SPRYD3: variants seen among roughly 807,000 people sequenced by gnomAD.
The protein encoded by SPRYD3 is SPRY domain-containing protein 3.
SPRYD3 carries 17 observed loss-of-function variants against 50.1 expected under a neutral mutation model. The observed-to-expected ratio is 0.34, with a 90% CI of 0.23 to 0.51. The LOEUF is 0.51. Among genes scored for constraint, SPRYD3 ranks in the 20% least tolerant of loss-of-function variants. The pLI is 0.97. For missense variants in SPRYD3, 401 were observed against 591.2 expected (o/e 0.68, Z 3.34); for synonymous variants, 198 against 215.5 (o/e 0.92, Z 0.71).
chr12:53,075,035 T>C (rs73099936), intron 4 of SPRYD3, 60 bp downstream of exon 4: 65,962 of 1,594,246 alleles, frequency 0.041, 1,630 homozygotes, highest in African/African-American at 0.076. Context: ...AGGTAGTTCT[T>C]CAGATCTAAG....
intron 1 of SPRYD3, chr12:53,078,073 C>T (rs10129060): frequency 2.4e-4 from 110 of 453,960 alleles, no homozygotes; most frequent in African/African-American, 1.8e-3. Context: ...GTAGTCCCAG[C>T]TACTAAGGAG....
At chr12:53,077,982 C>G (rs1307637815) in intron 1 of SPRYD3, 1 of 332,890 alleles carries the variant, frequency 3.0e-6, no homozygotes, top group Non-Finnish European at 6.3e-6. Flanking sequence ...AGGCCAGGAC[C>G]CAGACCAGCC....
intron 6 of SPRYD3, 27 bp downstream of exon 6, chr12:53,073,259 C>CGGGGGGGGGGGGGGG: frequency 1.0e-5 from 4 of 400,932 alleles, no homozygotes; most frequent in Admixed American, 4.5e-5. Context: ...CGACCCAGCC[C>CGGGGGGGGGGGGGGG]CTCCCACCCT....
At chr12:53,066,527 A>C (rs1592263912) in intron 9 of SPRYD3, 41 bp from the exon 10 acceptor site, 1 of 1,613,518 alleles carries the variant, frequency 6.2e-7, no homozygotes, top group Non-Finnish European at 8.5e-7. Context: ...GTGCCTTTCC[A>C]CCCTCGGCCC....
At position 53,066,356 on chromosome 12, in the gene SPRYD3, ATCCTCTTCCTCTTCCTCTTCC is replaced by A. The variant is rs778473922; in HGVS notation, c.1131_1151del (p.Glu377_Glu383del). Reference sequence around the variant, plus strand: ...CATGCTCCGGCTCTATCTCTTCCCCATCCTCTTCCTCTTCCTCTTCCTCCTCTTCCTCTTCCCCTTCCTGGT... The same window carrying A: ...CATGCTCCGGCTCTATCTCTTCCCCATCCTCTTCCTCTTCCCCTTCCTGGT... On this transcript the variant is annotated inframe_deletion, in exon 10 of 11. Transcript: ENST00000301463. 1.9e-6 allele frequency: 3 copies of A among 1,613,348 alleles called. No homozygotes were observed. Among genetic ancestry groups the A allele is most frequent in the Non-Finnish European group, 2.5e-6 (3 of 1,179,522 alleles).
rs745874208 is a variant in SPRYD3 at position 53,075,115 on chromosome 12, G to A, written c.351C>T (p.Ala117=). 20 of 1,613,882 alleles carry A rather than the reference G, an allele frequency of 1.2e-5. No individual in the cohort carries two copies. Among genetic ancestry groups the A allele is most frequent in the South Asian group, 2.2e-5 (2 of 91,088 alleles). ...HQPGWLPDSV[A]YHADDGKLYN... is the part of the protein sequence containing the mutation. ...CTCACTTGCCATCATCAGCATGGTA[G>A]GCTACAGAGTCAGGCAACCAGCCAG... Residue 117 remains alanine (A), a synonymous_variant, in exon 4 of 11, where the codon GCC becomes GCT. Coordinates refer to ENST00000301463, the MANE Select transcript of SPRYD3 (RefSeq NM_032840.3).
intron 5 of SPRYD3, among the ~76,000 whole-genome samples, chr12:53,073,775 C>T (rs1314581829): frequency 6.1e-5 from 9 of 147,950 alleles, no homozygotes; most frequent in South Asian, 2.2e-4. Flanking sequence ...ACCCGGGAGG[C>T]GGAGCTTGCA....
Position 53,066,303 on chromosome 12 carries a change from T to G in SPRYD3, c.1194+11A>C. 6.2e-7 allele frequency: 1 copy of G among 1,612,342 alleles called. No individual in the cohort carries two copies. Among genetic ancestry groups the G allele is most frequent in the Admixed American group, 1.7e-5 (1 of 59,970 alleles). On this transcript the variant is annotated intron_variant, in intron 10 of 10. Coordinates refer to ENST00000301463, the MANE Select transcript of SPRYD3 (RefSeq NM_032840.3). ...AAAACCCTGGTCCCACCTCAAACTC[T>G]CCGTACTCACCACCACCTTCCTGCC...
Position 53,064,630 on chromosome 12 carries a change from T to C in SPRYD3, c.*1202A>G, listed in dbSNP as rs199727767. 1 of 152,650 alleles carries C rather than the reference T, an allele frequency of 6.6e-6. No homozygotes were observed. The highest frequency in any genetic ancestry group is 1.5e-5 in the Non-Finnish European group (1 of 68,074). 9.5% of individuals were successfully genotyped at this position (152,650 alleles called of 1,614,324 possible). Reference sequence around the variant, plus strand: ...ACGGAAACTCCATCTTTATCGGCTGTATAAACATCTCTGGTCTGTACATAC... The same window carrying C: ...ACGGAAACTCCATCTTTATCGGCTGCATAAACATCTCTGGTCTGTACATAC... On this transcript the variant is annotated 3_prime_UTR_variant, in exon 11 of 11. Coordinates refer to ENST00000301463, the MANE Select transcript of SPRYD3 (RefSeq NM_032840.3).
At chr12:53,066,749 C>T in intron 8 of SPRYD3, 57 bp from the exon 9 acceptor site, 2 of 1,547,918 alleles carry the variant, frequency 1.3e-6, no homozygotes, top group Non-Finnish European at 1.7e-6. Context: ...ACACCACACC[C>T]CCAGAGTGGC....
At chr12:53,073,736 C>T (rs372661653) in intron 5 of SPRYD3, among the ~76,000 whole-genome samples, 2 of 150,784 alleles carry the variant, frequency 1.3e-5, no homozygotes, top group East Asian at 3.9e-4. Flanking sequence ...CCCAGCTACT[C>T]GGGAGGCTGA....
At chr12:53,075,684 G>T in intron 3 of SPRYD3, 52 bp downstream of exon 3, 1 of 1,409,702 alleles carries the variant, frequency 7.1e-7, no homozygotes, top group Non-Finnish European at 1.0e-6. Flanking sequence ...GGGGCTTAAT[G>T]ATCTCACCCC....
Position 53,065,967 on chromosome 12 carries a change from C to A in SPRYD3, c.1195-1G>T. 1 of 1,611,980 alleles carries A rather than the reference C, an allele frequency of 6.2e-7. No individual in the cohort carries two copies. Among genetic ancestry groups the A allele is most frequent in the Non-Finnish European group, 8.5e-7 (1 of 1,178,462 alleles). On this transcript the variant is annotated splice_acceptor_variant, in intron 10 of 10. Transcript: ENST00000301463. LOFTEE classifies it high-confidence loss of function. The stretch of plus-strand genomic sequence containing the variant: ...TCTTGCCATTCCGAGTGAAGAAAAC[C>A]TGGGGAGGAGGTGGGGAGAAGAATG...
At chr12:53,066,742 C>T (rs1388145675) in intron 8 of SPRYD3, 50 bp from the exon 9 acceptor site, 3 of 1,562,986 alleles carry the variant, frequency 1.9e-6, no homozygotes, top group Non-Finnish European at 2.6e-6. Flanking sequence ...AGGGCTGACA[C>T]CACACCCCCA....
chr12:53,077,938 G>C (rs1944601162), intron 1 of SPRYD3: 1 of 280,504 alleles, frequency 3.6e-6, no homozygotes, highest in Admixed American at 4.2e-5. Context: ...TGCAATCCCA[G>C]CACCTTGGGA....
Position 53,074,997 on chromosome 12 carries a change from G to GA in SPRYD3, c.371+97dup. 1.3e-6 allele frequency: 2 copies of GA among 1,529,140 alleles called. No individual in the cohort carries two copies. The highest frequency in any genetic ancestry group is 1.8e-6 in the Non-Finnish European group (2 of 1,112,204). The allele number at this position is 1,529,140 out of a possible 1,614,324, so 94.7% of individuals were successfully genotyped here. On this transcript the variant is annotated intron_variant, in intron 4 of 10. Coordinates refer to ENST00000301463, the MANE Select transcript of SPRYD3 (RefSeq NM_032840.3). The surrounding 1 kb of genome is among the most constrained non-coding windows in gnomAD (Gnocchi z 4.6). The stretch of plus-strand genomic sequence containing the variant: ...CCCTGTCCTGACCAGAAAAGTCTAT[G>GA]AAACACCCAATGGGAAAAGCCAGCC...
intron 10 of SPRYD3, 63 bp downstream of exon 10, chr12:53,066,251 C>T: frequency 1.3e-6 from 2 of 1,577,976 alleles, no homozygotes; most frequent in South Asian, 1.2e-5. Context: ...CTGTTCCCCA[C>T]TAATACCCAC....
At chr12:53,079,184 A>C (rs377600709) in intron 1 of SPRYD3, 127 bp downstream of exon 1, 31 of 983,134 alleles carry the variant, frequency 3.2e-5, no homozygotes, top group Admixed American at 2.1e-4. Context: ...GCAACAGAAG[A>C]AGCCCAGTGA....
chr12:53,074,602 T>C lies in SPRYD3; in HGVS notation c.507+47A>G, dbSNP rs748578567. ...CTTCCTAATCACTCCCCACAAATCC[T>C]TGGGCAGATTTCAGCCACGTAAATC... On this transcript the variant is annotated intron_variant, in intron 5 of 10. Transcript: ENST00000301463. The surrounding 1 kb of genome is among the most constrained non-coding windows in gnomAD (Gnocchi z 4.6). The C allele has an allele frequency of 5.0e-6, 8 of 1,612,634 alleles. No individual in the cohort carries two copies. In the Admixed American group the frequency reaches 6.7e-5, roughly 13 times the overall value.
Sources: allele counts gnomAD v4.1 joint callset (sites outside exome capture counted in the v4.1 genomes callset), GRCh38; gene constraint gnomAD v4.1.1; non-coding constraint Gnocchi (gnomAD v3.1); transcripts MANE v1.5; gene names NCBI Gene and HGNC (gene_info 2026-07-23, HGNC 2026-07-21).